Variants in CFAP61 observed in about 807,000 individuals in gnomAD.
The protein encoded by CFAP61 is cilia and flagella associated protein 61.
Under a neutral mutation model 135.6 loss-of-function variants are expected in CFAP61, and 107 were observed. The observed-to-expected ratio is 0.79, with a 90% CI of 0.67 to 0.93. CFAP61 has a LOEUF of 0.93. Ranked by LOEUF, CFAP61 falls within the 40% of genes least tolerant of loss-of-function variation. The probability of loss-of-function intolerance (pLI) is 0.00; values close to 1 mark genes in which losing one functional copy is unlikely to be tolerated. For synonymous variants in CFAP61, 575 were observed against 578.5 expected (o/e 0.99, Z 0.09); for missense variants, 1,507 against 1,556.2 (o/e 0.97, Z 0.53).
chr20:20,207,197 C>A lies in CFAP61; in HGVS notation c.1932+7295C>A, dbSNP rs528251751. On this transcript the variant is annotated intron_variant, in intron 17 of 26. Coordinates refer to ENST00000245957, the MANE Select transcript of CFAP61 (RefSeq NM_015585.4). ...AGAGCTCAGGTAGCAAACAAGATGC[C>A]CATCCAAATGCAGGAGGAAAATGGG... Among the ~76,000 whole-genome samples, 14 of 152,278 alleles carry A rather than the reference C, an allele frequency of 9.2e-5. No homozygotes were observed. In the South Asian group the frequency reaches 2.7e-3, roughly 29 times the overall value.
At chr20:20,108,452 A>G (rs534446912) in intron 8 of CFAP61, among the ~76,000 whole-genome samples, 1 of 152,340 alleles carries the variant, frequency 6.6e-6, no homozygotes, top group African/African-American at 2.4e-5. Flanking sequence ...TATCCCTTAG[A>G]TAGATATGCA....
intron 14 of CFAP61, 104 bp downstream of exon 14, chr20:20,188,160 G>A (rs988938149): frequency 4.2e-6 from 5 of 1,200,760 alleles, no homozygotes; most frequent in East Asian, 4.7e-5. Flanking sequence ...AAATCATATG[G>A]CAGGGGGCAG....
chr20:20,202,311 A>ATTTCACAGGTGAATTCTGACTG (rs2146898511), intron 17 of CFAP61, among the ~76,000 whole-genome samples: 1 of 152,232 alleles, frequency 6.6e-6, no homozygotes, highest in East Asian at 1.9e-4. Context: ...TATTGTGCTT[A>ATTTCACAGGTGAATTCTGACTG]TTTCACAGGT....
chr20:20,264,382 A>G (rs1457467706), intron 21 of CFAP61, among the ~76,000 whole-genome samples: 2 of 152,188 alleles, frequency 1.3e-5, no homozygotes, highest in East Asian at 1.9e-4. Flanking sequence ...CTGAGTCTGG[A>G]ACCTTTGGGT....
chr20:20,200,767 A>T (rs1440537587), intron 17 of CFAP61: 1 of 985,306 alleles, frequency 1.0e-6, no homozygotes, highest in African/African-American at 1.7e-5. Context: ...ATGCTGAAAT[A>T]AACACCTCGC....
intron 26 of CFAP61, among the ~76,000 whole-genome samples, chr20:20,354,716 G>A (rs1316512157): frequency 1.3e-5 from 2 of 151,768 alleles, no homozygotes; most frequent in African/African-American, 4.8e-5. Flanking sequence ...CACTGTGTGA[G>A]GGGAGGTGGT....
At chr20:20,104,261 T>G (rs190380690) in intron 8 of CFAP61, among the ~76,000 whole-genome samples, 1 of 152,036 alleles carries the variant, frequency 6.6e-6, no homozygotes, top group African/African-American at 2.4e-5. Context: ...TTTTTTTTTT[T>G]AAATTACTCC....
chr20:20,165,187 T>A (rs1163577742), intron 11 of CFAP61, among the ~76,000 whole-genome samples: 1 of 152,198 alleles, frequency 6.6e-6, no homozygotes, highest in Non-Finnish European at 1.5e-5. Context: ...GTCTCAGGTC[T>A]GCATCAGAAT....
intron 9 of CFAP61, 116 bp from the exon 10 acceptor site, chr20:20,159,254 C>A (rs2053200174): frequency 3.4e-6 from 3 of 872,128 alleles, no homozygotes; most frequent in Non-Finnish European, 5.7e-6. Context: ...CCCAATGCCA[C>A]AAGGCCAGTA....
intron 6 of CFAP61, among the ~76,000 whole-genome samples, chr20:20,084,401 CCTGCTGCTGCTG>C (rs3060422): frequency 0.61 from 91,819 of 150,630 alleles, 28,111 homozygotes; most frequent in East Asian, 0.82. Flanking sequence ...GCGGAGGTGG[CCTGCTGCTGCTG>C]CTGCTGCTGC....
intron 6 of CFAP61, 102 bp from the exon 7 acceptor site, chr20:20,090,742 C>T: frequency 2.0e-6 from 2 of 1,015,370 alleles, no homozygotes; most frequent in South Asian, 1.5e-5. Context: ...GAGTGTTGCT[C>T]TAGCCCCGGC....
intron 17 of CFAP61, chr20:20,200,858 C>T (rs2056581639): frequency 1.0e-6 from 1 of 985,384 alleles, no homozygotes; most frequent in Non-Finnish European, 1.2e-6. Context: ...ATGGGGCGTA[C>T]CTCCATCAGA....
intron 18 of CFAP61, among the ~76,000 whole-genome samples, chr20:20,239,430 G>A (rs906458796): frequency 2.6e-5 from 4 of 152,158 alleles, no homozygotes; most frequent in African/African-American, 4.8e-5. Flanking sequence ...AAAGAATGTC[G>A]GGGAAGTTTG....
At chr20:20,252,078 G>A (rs570783184) in intron 20 of CFAP61, among the ~76,000 whole-genome samples, 4 of 152,338 alleles carry the variant, frequency 2.6e-5, no homozygotes, top group South Asian at 2.1e-4. Flanking sequence ...GAATCCAGAC[G>A]CAACCAGGCA....
chr20:20,185,546 T>A (rs541666391), intron 13 of CFAP61, among the ~76,000 whole-genome samples: 1 of 152,328 alleles, frequency 6.6e-6, no homozygotes, highest in East Asian at 1.9e-4. Flanking sequence ...AGGATGGAGT[T>A]GCCATTACCT....
chr20:20,259,191 C>T (rs535132239), intron 20 of CFAP61, among the ~76,000 whole-genome samples: 24 of 151,156 alleles, frequency 1.6e-4, no homozygotes, highest in Non-Finnish European at 3.1e-4. Context: ...AGAAAAGCAA[C>T]CCAGGCCCGG....
At chr20:20,108,352 A>C (rs188895572) in intron 8 of CFAP61, among the ~76,000 whole-genome samples, 1 of 152,340 alleles carries the variant, frequency 6.6e-6, no homozygotes, top group African/African-American at 2.4e-5. Flanking sequence ...AAGCTTAATC[A>C]TAATACTAAA....
intron 20 of CFAP61, chr20:20,253,500 C>T: frequency 2.3e-6 from 1 of 432,420 alleles, no homozygotes; most frequent in South Asian, 1.8e-5. Context: ...ACTTTGTTCA[C>T]CTGGCTATGC....
chr20:20,230,756 A>G (rs754441819), intron 18 of CFAP61, among the ~76,000 whole-genome samples: 8 of 152,118 alleles, frequency 5.3e-5, no homozygotes, highest in Non-Finnish European at 7.4e-5. Context: ...GGGTTTCACC[A>G]TGTTGGCCGG....
Sources: gnomAD v4.1 joint callset for allele counts (sites outside exome capture counted in the v4.1 genomes callset) on GRCh38, gnomAD v4.1.1 for gene constraint, MANE v1.5 for transcripts, NCBI Gene and HGNC (gene_info 2026-07-23, HGNC 2026-07-21) for gene names.